Variants in RUBCNL observed in about 807,000 individuals in gnomAD.
The protein encoded by RUBCNL is rubicon like autophagy enhancer, also known as protein associated with UVRAG as autophagy enhancer.
A neutral mutation model predicts 69.5 loss-of-function variants in RUBCNL; 62 were observed. The observed-to-expected ratio is 0.89, with a 90% CI of 0.73 to 1.10. The LOEUF (loss-of-function observed/expected upper bound fraction) is 1.10, where lower values mean the gene tolerates loss of function less well. RUBCNL is among the 50% of genes least tolerant of loss of function. The pLI is 0.00. For missense variants in RUBCNL, 768 were observed against 798.1 expected (o/e 0.96, Z 0.45); for synonymous variants, 291 against 303.6 (o/e 0.96, Z 0.43).
chr13:46,358,756 T>C (rs961596360), intron 9 of RUBCNL, among the ~76,000 whole-genome samples: 15 of 151,448 alleles, frequency 9.9e-5, no homozygotes, highest in Non-Finnish European at 1.5e-4. Context: ...GGTTTCACCA[T>C]GTTGCCCAGG....
At chr13:46,350,010 CCT>C in intron 11 of RUBCNL, 101 bp downstream of exon 11, 3 of 841,608 alleles carry the variant, frequency 3.6e-6, no homozygotes, top group Non-Finnish European at 5.6e-6. Context: ...GATCCATTTG[CCT>C]CTTAGAGGAT....
In RUBCNL at chr13:46,381,592, C is replaced by T. The variant is rs116944917; in HGVS notation, c.-238-3587G>A. Among the ~76,000 whole-genome samples, 219 of 151,862 alleles carry T rather than the reference C, an allele frequency of 1.4e-3. 2 individuals are homozygous for T. In the East Asian group the frequency reaches 0.034, roughly 24 times the overall value. On this transcript the variant is annotated intron_variant, in intron 1 of 14. Transcript: ENST00000429979. ...TACACTTTTTTTCCTTTTCTTTTTT[C>T]GGTTTTCGAGACGGAGTTTCGCTCT...
chr13:46,359,595 A>T lies in RUBCNL; in HGVS notation c.1156T>A (p.Ser386Thr). Residue 386 changes from serine (S) to threonine (T), a missense_variant, in exon 9 of 15, where the codon TCC becomes ACC. Physicochemically the swap from Ser to Thr is moderately conservative, Grantham distance 58. Transcript: ENST00000429979. ...NEECVRKDFE[S>T]SMNVVQEIKF... ...ATTTCCTGTACTACATTCATACTGG[A>T]TTCAAAGTCTTTTCGGACACACTCT... 1 of 1,592,670 alleles carries T rather than the reference A, an allele frequency of 6.3e-7. No individual in the cohort carries two copies. Among genetic ancestry groups the T allele is most frequent in the Non-Finnish European group, 8.6e-7 (1 of 1,168,580 alleles).
chr13:46,367,118 C>G (rs527724281), intron 5 of RUBCNL, among the ~76,000 whole-genome samples: 8 of 152,330 alleles, frequency 5.3e-5, no homozygotes, highest in African/African-American at 1.9e-4. Flanking sequence ...CATGAGCTAT[C>G]GGCTTAGGCA....
chr13:46,356,505 G>C lies in RUBCNL; in HGVS notation c.1266-9C>G, dbSNP rs762995341. On this transcript the variant is annotated splice_polypyrimidine_tract_variant and intron_variant, in intron 9 of 14. Transcript: ENST00000429979. The stretch of plus-strand genomic sequence containing the variant: ...CCACCACAAGGTCCCTCCTGAATAC[G>C]AAAAATAATACTAGTTACATTTCAG... 5.0e-6 allele frequency: 8 copies of C among 1,611,916 alleles called. No homozygotes were observed. Among genetic ancestry groups the C allele is most frequent in the Non-Finnish European group, 6.8e-6 (8 of 1,178,942 alleles).
rs1002302704 is a variant in RUBCNL at position 46,381,873 on chromosome 13, T to A, written c.-238-3868A>T. On this transcript the variant is annotated intron_variant, in intron 1 of 14. Transcript: ENST00000429979. Reference sequence around the variant, plus strand: ...AGGCTAGAGTGCAGTGGCATGATCATGGCTCACTGCAGCCTTGACCTCCCG... The same window carrying A: ...AGGCTAGAGTGCAGTGGCATGATCAAGGCTCACTGCAGCCTTGACCTCCCG... Among the ~76,000 whole-genome samples the A allele has an allele frequency of 2.0e-5, 3 of 152,304 alleles. No homozygotes were observed. The South Asian group carries it at 6.2e-4, about 32-fold the overall frequency.
upstream of RUBCNL, chr13:46,387,625 TGAA>T: frequency 2.0e-6 from 2 of 985,444 alleles, no homozygotes; most frequent in Non-Finnish European, 2.4e-6. Context: ...TTGCCTGAAA[TGAA>T]GAATGAGTAA....
intron 10 of RUBCNL, among the ~76,000 whole-genome samples, chr13:46,352,937 A>G (rs1415948500): frequency 1.3e-5 from 2 of 152,252 alleles, no homozygotes; most frequent in Non-Finnish European, 2.9e-5. Context: ...TCTGTGCTCG[A>G]AAGTCTGTGA....
chr13:46,380,691 A>T (rs573883497), intron 1 of RUBCNL, among the ~76,000 whole-genome samples: 2 of 152,372 alleles, frequency 1.3e-5, no homozygotes, highest in East Asian at 3.9e-4. Flanking sequence ...TGCACCACAC[A>T]GATCTAATAT....
chr13:46,355,153 A>G (rs1197515042), intron 10 of RUBCNL, among the ~76,000 whole-genome samples: 3 of 152,188 alleles, frequency 2.0e-5, no homozygotes, highest in Non-Finnish European at 4.4e-5. Flanking sequence ...AAAACCGACT[A>G]TCAAAGGCTA....
chr13:46,372,372 G>T lies in RUBCNL; in HGVS notation c.104C>A (p.Thr35Asn), dbSNP rs191274102. 44 of 1,614,020 alleles carry T rather than the reference G, an allele frequency of 2.7e-5. No individual in the cohort carries two copies. The East Asian group carries it at 8.7e-4, about 32-fold the overall frequency. The change falls in exon 3 of 15, where the codon ACT becomes AAT. Residue 35 changes from threonine to asparagine, a missense_variant. Thr to Asn is a moderately conservative substitution (Grantham distance 65, BLOSUM62 0). Transcript: ENST00000429979. ...GTCTAATTGGCAAGGAGGATGGTCAGTGTTCAGGAGTCTGGGCGAACCATC... is the reference window on the plus strand; with the variant it reads ...GTCTAATTGGCAAGGAGGATGGTCATTGTTCAGGAGTCTGGGCGAACCATC... Reference protein sequence around the residue: ...IIDGSPRLLNTDHPPCQLDIR... With the variant: ...IIDGSPRLLNNDHPPCQLDIR...
At chr13:46,347,876 C>T (rs1409075524) in intron 12 of RUBCNL, among the ~76,000 whole-genome samples, 2 of 152,152 alleles carry the variant, frequency 1.3e-5, no homozygotes, top group African/African-American at 4.8e-5. Context: ...GCCTGTAGTC[C>T]CAGCTACTTG....
intron 3 of RUBCNL, among the ~76,000 whole-genome samples, chr13:46,371,056 T>C (rs868149873): frequency 6.6e-6 from 1 of 152,360 alleles, no homozygotes; most frequent in Middle Eastern, 3.4e-3. Flanking sequence ...ACTGTCATCA[T>C]CTTTGATTGC....
chr13:46,372,669 T>G, intron 2 of RUBCNL, 72 bp from the exon 3 acceptor site: 2 of 1,378,340 alleles, frequency 1.5e-6, no homozygotes. Context: ...TATTTTGAGA[T>G]GGCAAAACCC....
Position 46,372,554 on chromosome 13 carries a change from C to T in RUBCNL, c.-79G>A. On this transcript the variant is annotated 5_prime_UTR_variant, in exon 3 of 15. Transcript: ENST00000429979. ...GATTGCTGGTACTACTTGATTTGGG[C>T]CCTGAACTCACCACATGGCCAGCTG... 1 of 1,502,070 alleles carries T rather than the reference C, an allele frequency of 6.7e-7. No homozygotes were observed. Among genetic ancestry groups the T allele is most frequent in the Non-Finnish European group, 8.9e-7 (1 of 1,121,486 alleles). The allele number at this position is 1,502,070 out of a possible 1,614,324, so 93.0% of individuals were successfully genotyped here. A position where few individuals can be genotyped will look rare whatever the true frequency, so the allele number is the denominator to read the frequency against.
intron 1 of RUBCNL, among the ~76,000 whole-genome samples, chr13:46,382,648 C>T (rs1398321669): frequency 6.6e-6 from 1 of 152,176 alleles, no homozygotes; most frequent in Non-Finnish European, 1.5e-5. Context: ...TTCTCCTTGC[C>T]TTAACCTCCC....
rs1022837020 is a variant in RUBCNL at position 46,343,312 on chromosome 13, T to C, written c.*73A>G. 6.4e-7 allele frequency: 1 copy of C among 1,562,246 alleles called. No homozygotes were observed. Among genetic ancestry groups the C allele is most frequent in the Non-Finnish European group, 8.7e-7 (1 of 1,150,240 alleles). ...ACAATACCCAATATCTAAAACAATG[T>C]CACCAATAATAGACACAAATCGGTG... On this transcript the variant is annotated 3_prime_UTR_variant, in exon 15 of 15. Coordinates refer to ENST00000429979, the MANE Select transcript of RUBCNL (RefSeq NM_025113.5).
At position 46,355,719 on chromosome 13, in the gene RUBCNL, T is replaced by C. The variant is rs544721536; in HGVS notation, c.1330+713A>G. Among the ~76,000 whole-genome samples, 4 of 152,318 alleles carry C rather than the reference T, an allele frequency of 2.6e-5. No homozygotes were observed. The South Asian group carries it at 8.3e-4, about 32-fold the overall frequency. On this transcript the variant is annotated intron_variant, in intron 10 of 14. Coordinates refer to ENST00000429979, the MANE Select transcript of RUBCNL (RefSeq NM_025113.5). ...AAGCCATTCCTTTACTCAACAAATA[T>C]CTTTTGAAGACCTACTATGTGCCAG...
In RUBCNL at chr13:46,371,929, T is replaced by C; in HGVS notation, c.535+12A>G. 1 of 1,613,084 alleles carries C rather than the reference T, an allele frequency of 6.2e-7. No individual in the cohort carries two copies. Among genetic ancestry groups the C allele is most frequent in the Non-Finnish European group, 8.5e-7 (1 of 1,179,296 alleles). Reference sequence around the variant, plus strand: ...ACAGAGAGGAATGAGGGAGGTCACCTACTAAAATTACCTTCATCAGCAGCA... The same window carrying C: ...ACAGAGAGGAATGAGGGAGGTCACCCACTAAAATTACCTTCATCAGCAGCA... On this transcript the variant is annotated intron_variant, in intron 3 of 14. Coordinates refer to ENST00000429979, the MANE Select transcript of RUBCNL (RefSeq NM_025113.5).
Sources: gnomAD v4.1 joint callset for allele counts (sites outside exome capture counted in the v4.1 genomes callset) on GRCh38, gnomAD v4.1.1 for gene constraint, MANE v1.5 for transcripts, NCBI Gene and HGNC (gene_info 2026-07-23, HGNC 2026-07-21) for gene names.